MEGF10: variants seen among roughly 807,000 people sequenced by gnomAD.
MEGF10 encodes multiple EGF like domains 10, also known as multiple epidermal growth factor-like domains protein 10.
A neutral mutation model predicts 147.5 loss-of-function variants in MEGF10; 86 were observed. That is an observed-to-expected ratio of 0.58 (90% confidence interval 0.49 to 0.70). MEGF10 has a LOEUF of 0.70. MEGF10 is among the 30% of genes least tolerant of loss of function. The probability of loss-of-function intolerance (pLI) is 0.00; values close to 1 mark genes in which losing one functional copy is unlikely to be tolerated. For synonymous variants in MEGF10, 478 were observed against 525.5 expected (o/e 0.91, Z 1.24); for missense variants, 1,329 against 1,487.3 (o/e 0.89, Z 1.75).
the MEGF10 span, among the ~76,000 whole-genome samples, chr5:127,258,717 G>T: frequency 7.9e-5 from 12 of 152,098 alleles, no homozygotes; most frequent in African/African-American, 2.7e-4. Flanking sequence ...TTTCAGTAAT[G>T]GATTTGCTCT....
chr5:127,406,210 A>T (rs912841436), intron 8 of MEGF10, among the ~76,000 whole-genome samples: 1 of 152,210 alleles, frequency 6.6e-6, no homozygotes, highest in African/African-American at 2.4e-5. Context: ...GCTTATACCT[A>T]TTTCATCTGG....
the MEGF10 span, among the ~76,000 whole-genome samples, chr5:127,238,557 A>T: frequency 1.4e-4 from 21 of 152,318 alleles, no homozygotes; most frequent in South Asian, 4.1e-3. Context: ...CATGTTACAG[A>T]TGTGGACAGA....
At position 127,410,453 on chromosome 5, in the gene MEGF10, A is replaced by C; in HGVS notation, c.982A>C (p.Asn328His). The C allele has an allele frequency of 6.2e-7, 1 of 1,614,234 alleles. No homozygotes were observed. Among genetic ancestry groups the C allele is most frequent in the Non-Finnish European group, 8.5e-7 (1 of 1,180,044 alleles). ...VLCAETCQCV[N>H]GGKCYHVSGA... Reference sequence around the variant, plus strand: ...CTGTGCTGAGACCTGCCAGTGTGTCAACGGAGGGAAGTGTTACCACGTGAG... The same window carrying C: ...CTGTGCTGAGACCTGCCAGTGTGTCCACGGAGGGAAGTGTTACCACGTGAG... The change falls in exon 9 of 25, where the codon AAC becomes CAC. Residue 328 changes from asparagine (N) to histidine (H), a missense_variant. Around this residue, in one of 3 missense-constraint regions of MEGF10, gnomAD observed 980 missense variants for 1,085.9 expected, o/e 0.90. Coordinates refer to ENST00000503335, the MANE Select transcript of MEGF10 (RefSeq NM_001256545.2).
At chr5:127,348,248 A>G (rs1330838442) in intron 4 of MEGF10, among the ~76,000 whole-genome samples, 1 of 152,092 alleles carries the variant, frequency 6.6e-6, no homozygotes, top group South Asian at 2.1e-4. Flanking sequence ...AATATGATCA[A>G]ATCTTCCTTT....
rs1034456040 is a variant in MEGF10, at chr5:127,334,639, T to A, written c.116+3215T>A. On this transcript the variant is annotated intron_variant, in intron 2 of 24. Coordinates refer to ENST00000503335, the MANE Select transcript of MEGF10 (RefSeq NM_001256545.2). ...AAGGGGTGTTTATGATTAAAGGAACTCTGTACAGTGTCTTTTTGGAAAATG... is the reference window on the plus strand; with the variant it reads ...AAGGGGTGTTTATGATTAAAGGAACACTGTACAGTGTCTTTTTGGAAAATG... 2.0e-5 allele frequency among the ~76,000 whole-genome samples: 3 copies of A among 152,148 alleles called. No homozygotes were observed. In the South Asian group the frequency reaches 6.2e-4, roughly 32 times the overall value.
At chr5:127,370,750 C>G (rs1762815119) in intron 5 of MEGF10, among the ~76,000 whole-genome samples, 1 of 152,220 alleles carries the variant, frequency 6.6e-6, no homozygotes, top group South Asian at 2.1e-4. Context: ...CCAAAATCTT[C>G]TGGCTAACTT....
At chr5:127,433,005 AG>A (rs902809507) in intron 13 of MEGF10, among the ~76,000 whole-genome samples, 114 of 152,218 alleles carry the variant, frequency 7.5e-4, no homozygotes, top group African/African-American at 2.5e-3. Flanking sequence ...GTGAAAACAA[AG>A]AATGGGAGGA....
chr5:127,323,513 T>C (rs1760876505), intron 1 of MEGF10, among the ~76,000 whole-genome samples: 1 of 152,220 alleles, frequency 6.6e-6, no homozygotes, highest in Admixed American at 6.5e-5. Context: ...TTCAGAATCA[T>C]TGCAGGTGGT....
At chr5:127,383,088 A>G (rs1763314782) in intron 5 of MEGF10, among the ~76,000 whole-genome samples, 1 of 152,096 alleles carries the variant, frequency 6.6e-6, no homozygotes, top group Non-Finnish European at 1.5e-5. Context: ...AGCAATTTTT[A>G]TTTCTACTTC....
chr5:127,258,951 T>G, the MEGF10 span, among the ~76,000 whole-genome samples: 106 of 152,330 alleles, frequency 7.0e-4, 1 homozygote, highest in South Asian at 0.013. Context: ...TATATCCATC[T>G]TTTGATCAAG....
intron 5 of MEGF10, among the ~76,000 whole-genome samples, chr5:127,392,804 T>C (rs1289033939): frequency 1.3e-5 from 2 of 152,214 alleles, no homozygotes; most frequent in African/African-American, 4.8e-5. Flanking sequence ...GCTTGGATTA[T>C]ATGTAATCCA....
At chr5:127,449,990 A>G (rs1184155710) in intron 22 of MEGF10, among the ~76,000 whole-genome samples, 2 of 152,204 alleles carry the variant, frequency 1.3e-5, no homozygotes, top group Non-Finnish European at 2.9e-5. Flanking sequence ...ATTAAAAAAA[A>G]CTACATTTTC....
intron 1 of MEGF10, among the ~76,000 whole-genome samples, chr5:127,312,319 C>T (rs1760325196): frequency 6.6e-6 from 1 of 152,170 alleles, no homozygotes; most frequent in Non-Finnish European, 1.5e-5. Context: ...ATAACAGAGA[C>T]CAATGCCATT....
intron 5 of MEGF10, among the ~76,000 whole-genome samples, chr5:127,381,752 C>A (rs1319135436): frequency 3.3e-5 from 5 of 152,208 alleles, no homozygotes; most frequent in Admixed American, 3.3e-4. Context: ...CTGACTGCAA[C>A]CTCCACCTCC....
the MEGF10 span, among the ~76,000 whole-genome samples, chr5:127,262,724 C>T: frequency 1.3e-5 from 2 of 152,162 alleles, no homozygotes; most frequent in East Asian, 3.8e-4. Flanking sequence ...CCAGAGAATT[C>T]TAAAATTGAG....
At chr5:127,267,067 A>G in the MEGF10 span, among the ~76,000 whole-genome samples, 1 of 152,322 alleles carries the variant, frequency 6.6e-6, no homozygotes, top group South Asian at 2.1e-4. Context: ...TTTGTCATAA[A>G]TAGCTCTTAT....
At chr5:127,412,169 C>G (rs548911537) in intron 9 of MEGF10, among the ~76,000 whole-genome samples, 20 of 152,266 alleles carry the variant, frequency 1.3e-4, no homozygotes, top group Admixed American at 2.6e-4. Context: ...TTACATAGAT[C>G]AATAACACTA....
chr5:127,266,698 T>TGAAG, the MEGF10 span, among the ~76,000 whole-genome samples: 10 of 152,318 alleles, frequency 6.6e-5, no homozygotes, highest in East Asian at 1.7e-3. Flanking sequence ...GAATGGGAGT[T>TGAAG]CACTCATGAT....
At chr5:127,351,717 G>T (rs1343981100) in intron 4 of MEGF10, among the ~76,000 whole-genome samples, 1 of 152,130 alleles carries the variant, frequency 6.6e-6, no homozygotes, top group Admixed American at 6.5e-5. Flanking sequence ...AGCTACAAGG[G>T]CATCTTTATT....
Sources: gnomAD v4.1 joint callset for allele counts (sites outside exome capture counted in the v4.1 genomes callset) on GRCh38, gnomAD v4.1.1 for gene constraint, gnomAD v4.1.1 regional missense constraint, MANE v1.5 for transcripts, NCBI Gene and HGNC (gene_info 2026-07-23, HGNC 2026-07-21) for gene names.